The following SETD7 variants were observed in gnomAD, a reference collection of about 807,000 sequenced individuals.
SETD7 encodes the protein histone-lysine N-methyltransferase SETD7.
SETD7 carries 16 observed loss-of-function variants against 41.8 expected under a neutral mutation model. The observed-to-expected ratio is 0.38, with a 90% CI of 0.26 to 0.58. The LOEUF (loss-of-function observed/expected upper bound fraction) is 0.58. SETD7 is among the 20% of genes least tolerant of loss of function. SETD7 has a pLI of 0.64. For synonymous variants in SETD7, 163 were observed against 169.7 expected (o/e 0.96, Z 0.31); for missense variants, 346 against 459.7 (o/e 0.75, Z 2.26).
chr4:139,513,913 A>G (rs1407403650), intron 7 of SETD7, among the ~76,000 whole-genome samples: 1 of 152,218 alleles, frequency 6.6e-6, no homozygotes, highest in Admixed American at 6.5e-5. Context: ...ATCAGCCTGT[A>G]CTCCACCACA....
At chr4:139,530,297 A>G (rs577305110) in intron 3 of SETD7, among the ~76,000 whole-genome samples, 1 of 151,666 alleles carries the variant, frequency 6.6e-6, no homozygotes, top group South Asian at 2.1e-4. Context: ...GGATCTAGGA[A>G]CAGCTAGCTA....
rs1726884064 is a variant in SETD7 at position 139,511,754 on chromosome 4, T to C, written c.1010A>G (p.Tyr337Cys). Residue 337 changes from tyrosine to cysteine, a missense_variant, in exon 8 of 8, where the codon TAT (tyrosine) becomes TGT (cysteine). This residue lies in a region of SETD7 where 75 missense variants were observed against 65.5 expected (regional missense o/e 1.14). Transcript: ENST00000274031. ...ACTCTTCCCGGGGGGGCTGTGGTCA[T>C]AGCCATAGGCAACGGTGAGCTCTTC... ...ADEELTVAYG[Y>C]DHSPPGKSGP... 3.1e-6 allele frequency: 5 copies of C among 1,614,168 alleles called. No individual in the cohort carries two copies. Among genetic ancestry groups the C allele is most frequent in the Non-Finnish European group, 4.2e-6 (5 of 1,180,014 alleles).
intron 7 of SETD7, among the ~76,000 whole-genome samples, chr4:139,517,615 T>C (rs1007971808): frequency 6.6e-6 from 1 of 152,174 alleles, no homozygotes; most frequent in Non-Finnish European, 1.5e-5. Flanking sequence ...GAAAAGCGGC[T>C]ATAAAACAGC....
intron 7 of SETD7, among the ~76,000 whole-genome samples, chr4:139,517,228 A>C (rs1424059608): frequency 6.6e-6 from 1 of 152,060 alleles, no homozygotes; most frequent in African/African-American, 2.4e-5. Flanking sequence ...TAATCCCAAC[A>C]CTTTGGGAGG....
At chr4:139,522,925 T>C (rs1285166555) in intron 5 of SETD7, among the ~76,000 whole-genome samples, 2 of 152,000 alleles carry the variant, frequency 1.3e-5, no homozygotes, top group Non-Finnish European at 2.9e-5. Context: ...AGCTAATTTT[T>C]GTATTTTTAG....
rs1405220794 is a variant in SETD7, at chr4:139,533,272, C to T, written c.265G>A (p.Gly89Arg). Residue 89 changes from glycine (G) to arginine (R), a missense_variant, in exon 3 of 8, where the codon GGA becomes AGA. Around this residue, in one of 3 missense-constraint regions of SETD7, gnomAD observed 266 missense variants for 377.0 expected, o/e 0.71. Transcript: ENST00000274031. The stretch of plus-strand genomic sequence containing the variant: ...TCCTGGGCTGGACCGTTCAGCTCTC[C>T]GTCTACATACGTGCCCTGGAGAACT... ...GGVLQGTYVDGELNGPAQEYD... is the reference protein window; with the variant it reads ...GGVLQGTYVDRELNGPAQEYD... 4 of 1,614,142 alleles carry T rather than the reference C, an allele frequency of 2.5e-6. No homozygotes were observed. The highest frequency in any genetic ancestry group is 2.2e-5 in the East Asian group (1 of 44,880).
chr4:139,495,361 G>A (rs1213222144), downstream of SETD7, among the ~76,000 whole-genome samples: 1 of 152,174 alleles, frequency 6.6e-6, no homozygotes, highest in Non-Finnish European at 1.5e-5. Context: ...TCAGAGAATT[G>A]CTTAGTGAGT....
chr4:139,530,465 A>T (rs961233469), intron 3 of SETD7, among the ~76,000 whole-genome samples: 2 of 151,864 alleles, frequency 1.3e-5, no homozygotes, highest in African/African-American at 4.8e-5. Flanking sequence ...TAATGGATAG[A>T]AAGTGCACTA....
chr4:139,531,031 G>T lies in SETD7; in HGVS notation c.373-1811C>A, dbSNP rs536888373. ...CCTCTGCTCACTGGCTCCTCCTCGTGGGGGGAGAAATCATTAATTTGACTG... is the reference window on the plus strand; with the variant it reads ...CCTCTGCTCACTGGCTCCTCCTCGTTGGGGGAGAAATCATTAATTTGACTG... On this transcript the variant is annotated intron_variant, in intron 3 of 7. Coordinates refer to ENST00000274031, the MANE Select transcript of SETD7 (RefSeq NM_030648.4). Among the ~76,000 whole-genome samples, 29 of 152,054 alleles carry T rather than the reference G, an allele frequency of 1.9e-4. No individual in the cohort carries two copies. The South Asian group carries it at 4.8e-3, about 25-fold the overall frequency.
chr4:139,524,216 T>C (rs926528187), intron 4 of SETD7, among the ~76,000 whole-genome samples: 2 of 152,246 alleles, frequency 1.3e-5, no homozygotes, highest in African/African-American at 4.8e-5. Context: ...AGGTCCTCTT[T>C]CTGTTTGTTT....
chr4:139,532,993 A>G (rs943412219), intron 3 of SETD7, 172 bp downstream of exon 3: 3 of 623,934 alleles, frequency 4.8e-6, no homozygotes, highest in Non-Finnish European at 5.7e-6. Flanking sequence ...CCAACAATCT[A>G]AGCCAATAGT....
exon 8 of SETD7, chr4:139,496,315 C>G (rs1726453625): frequency 4.3e-6 from 3 of 692,846 alleles, no homozygotes; most frequent in Non-Finnish European, 7.9e-6. Context: ...TTGCCATTAT[C>G]AGTAGGCAGA....
At chr4:139,505,183 G>A (rs759390421), downstream of SETD7, among the ~76,000 whole-genome samples, 8 of 152,144 alleles carry the variant, frequency 5.3e-5, no homozygotes, top group Non-Finnish European at 8.8e-5. Flanking sequence ...ACTGTGCCTC[G>A]TGTAGCCCTG....
At chr4:139,498,249 G>A (rs1726503240) in intron 7 of SETD7, among the ~76,000 whole-genome samples, 1 of 152,138 alleles carries the variant, frequency 6.6e-6, no homozygotes, top group Non-Finnish European at 1.5e-5. Context: ...CCTAGAGATA[G>A]CAAAGGCCTG....
intron 3 of SETD7, among the ~76,000 whole-genome samples, chr4:139,530,963 T>A (rs1246882075): frequency 6.6e-6 from 1 of 152,170 alleles, no homozygotes; most frequent in East Asian, 1.9e-4. Flanking sequence ...CTCTGCTGTA[T>A]CAGGCGTCAG....
chr4:139,546,506 G>A (rs908271578), intron 2 of SETD7: 2 of 306,972 alleles, frequency 6.5e-6, no homozygotes, highest in Non-Finnish European at 1.2e-5. Context: ...TGTGACCCTT[G>A]GAAAAAAGTG....
chr4:139,547,735 C>T (rs1023198364), intron 1 of SETD7, among the ~76,000 whole-genome samples: 4 of 152,180 alleles, frequency 2.6e-5, no homozygotes, highest in African/African-American at 9.7e-5. Context: ...AACCTTAAAC[C>T]TACTGGTTTA....
chr4:139,493,937 A>G (rs1273741128), downstream of SETD7, among the ~76,000 whole-genome samples: 1 of 152,184 alleles, frequency 6.6e-6, no homozygotes, highest in Non-Finnish European at 1.5e-5. Flanking sequence ...TCTTGTACAT[A>G]ACTTTTCTGG....
At chr4:139,494,271 C>T (rs115824177), downstream of SETD7, among the ~76,000 whole-genome samples, 3,271 of 152,240 alleles carry the variant, frequency 0.021, 120 homozygotes, top group African/African-American at 0.072. Context: ...CTTTTCATCT[C>T]AGATTGAATG....
Sources: allele counts gnomAD v4.1 joint callset (sites outside exome capture counted in the v4.1 genomes callset), GRCh38; gene constraint gnomAD v4.1.1; regional missense constraint gnomAD v4.1.1; transcripts MANE v1.5; gene names NCBI Gene and HGNC (gene_info 2026-07-23, HGNC 2026-07-21).